The following MYO9A variants were observed in gnomAD, a reference collection of about 807,000 sequenced individuals.
The protein encoded by MYO9A is myosin IXA.
In MYO9A, 103 loss-of-function variants were observed where a neutral mutation model predicts 293.3. That is an observed-to-expected ratio of 0.35 (90% CI 0.30 to 0.41). The LOEUF (loss-of-function observed/expected upper bound fraction) is 0.41, where lower values mean the gene tolerates loss of function less well. Ranked by LOEUF, MYO9A falls within the 10% of genes least tolerant of loss-of-function variation. The pLI is 1.00. For missense variants in MYO9A, 2,685 were observed against 3,033.0 expected (o/e 0.89, Z 2.69); for synonymous variants, 1,001 against 1,035.7 (o/e 0.97, Z 0.64).
In MYO9A at chr15:71,978,292, C is replaced by T. The variant is rs2076192187; in HGVS notation, c.1723G>A (p.Glu575Lys). Residue 575 changes from glutamate (E) to lysine (K), a missense_variant and splice_region_variant, in exon 12 of 42, where the codon GAG (glutamate) becomes AAG (lysine). By Grantham distance (56) the Glu-to-Lys change is moderately conservative. This residue lies in a region of MYO9A where 201 missense variants were observed against 245.2 expected (regional missense o/e 0.82). Transcript: ENST00000356056. ...FNQHIFKLEQ[E>K]EYRTEGISWH... Reference sequence around the variant, plus strand: ...CTGATACCTTCAGTTCTATATTCCTCCTAGAAAAACCAAAAAATAAAATAA... The same window carrying T: ...CTGATACCTTCAGTTCTATATTCCTTCTAGAAAAACCAAAAAATAAAATAA... 1 of 1,592,612 alleles carries T rather than the reference C, an allele frequency of 6.3e-7. No homozygotes were observed. Among genetic ancestry groups the T allele is most frequent in the Non-Finnish European group, 8.5e-7 (1 of 1,172,436 alleles).
At chr15:72,103,394 A>C (rs1197594473) in intron 1 of MYO9A, among the ~76,000 whole-genome samples, 1 of 148,458 alleles carries the variant, frequency 6.7e-6, no homozygotes, top group African/African-American at 2.6e-5. Context: ...GCAGCAGCAG[A>C]AGCAGCAGCA....
chr15:71,956,330 A>AAAAATATATATAT (rs10642655), intron 14 of MYO9A, among the ~76,000 whole-genome samples: 2 of 75,582 alleles, frequency 2.6e-5, no homozygotes, highest in African/African-American at 1.2e-4. Context: ...AAAAAAAAAA[A>AAAAATATATATAT]ATATATATAT....
chr15:71,877,907 G>A (rs1366919192), intron 31 of MYO9A, 133 bp downstream of exon 31: 2 of 695,450 alleles, frequency 2.9e-6, no homozygotes, highest in East Asian at 5.7e-5. Context: ...GTGGCGCTAA[G>A]TTGACATGTT....
intron 1 of MYO9A, among the ~76,000 whole-genome samples, chr15:72,054,017 T>C (rs1160987859): frequency 2.0e-5 from 3 of 152,236 alleles, no homozygotes; most frequent in African/African-American, 7.2e-5. Flanking sequence ...GTCAAAGTTT[T>C]AAAATTCAAC....
intron 16 of MYO9A, 24 bp from the exon 17 acceptor site, chr15:71,935,508 A>G: frequency 1.2e-6 from 2 of 1,606,844 alleles, no homozygotes; most frequent in Non-Finnish European, 1.7e-6. Context: ...AATTTGCTTT[A>G]GTTAATGAAG....
At chr15:72,083,812 G>A (rs1338003705) in intron 1 of MYO9A, among the ~76,000 whole-genome samples, 3 of 152,158 alleles carry the variant, frequency 2.0e-5, no homozygotes, top group Admixed American at 6.5e-5. Flanking sequence ...ATGGTTTTGA[G>A]CAATTTTCTT....
At position 71,899,864 on chromosome 15, in the gene MYO9A, C is replaced by G. The variant is rs141948847; in HGVS notation, c.3293G>C (p.Arg1098Pro). 3,330 of 1,614,040 alleles carry G rather than the reference C, an allele frequency of 2.1e-3. 7 individuals carry two copies. The highest frequency in any genetic ancestry group is 2.5e-3 in the Non-Finnish European group (2,941 of 1,180,008). The change falls in exon 24 of 42, where the codon CGG becomes CCG. Residue 1098 changes from arginine (R) to proline (P), a missense_variant. Arg to Pro is a moderately radical substitution (Grantham distance 103). Transcript: ENST00000356056. ...CTGCTGGATAACGATGGCTGCAGCCCGTAACTCCAAGTACCGCTGCCTCTC... is the reference window on the plus strand; with the variant it reads ...CTGCTGGATAACGATGGCTGCAGCCGGTAACTCCAAGTACCGCTGCCTCTC... ...HLERQRYLEL[R>P]AAAIVIQQKW...
chr15:71,974,881 TC>T (rs1685607969), intron 12 of MYO9A, among the ~76,000 whole-genome samples: 1 of 152,208 alleles, frequency 6.6e-6, no homozygotes, highest in Non-Finnish European at 1.5e-5. Flanking sequence ...TAATGTGCCT[TC>T]CAAAGGAGGA....
At position 71,898,868 on chromosome 15, in the gene MYO9A, A is replaced by G; in HGVS notation, c.3635T>C (p.Val1212Ala). 6.2e-7 allele frequency: 1 copy of G among 1,614,106 alleles called. No homozygotes were observed. Among genetic ancestry groups the G allele is most frequent in the Non-Finnish European group, 8.5e-7 (1 of 1,179,988 alleles). Residue 1212 changes from valine to alanine, a missense_variant, in exon 25 of 42, where the codon GTA (valine) becomes GCA (alanine). This residue lies in a region of MYO9A where 1,434 missense variants were observed against 1,497.7 expected (regional missense o/e 0.96). Coordinates refer to ENST00000356056, the MANE Select transcript of MYO9A (RefSeq NM_006901.4). ...RIKAIEECKS[V>A]IESNRISRES... ...ACGGCTAATTCGATTACTCTCTATT[A>G]CAGATTTACATTCCTCTATGGCTTT...
intron 32 of MYO9A, among the ~76,000 whole-genome samples, chr15:71,869,912 A>C (rs537384432): frequency 6.6e-6 from 1 of 152,342 alleles, no homozygotes; most frequent in East Asian, 1.9e-4. Flanking sequence ...AAAGAATGCT[A>C]ACTGCCTACT....
chr15:72,096,160 CAA>C (rs990440272), intron 1 of MYO9A, among the ~76,000 whole-genome samples: 14 of 61,476 alleles, frequency 2.3e-4, no homozygotes, highest in Admixed American at 4.1e-4. Context: ...GAGACTGTCT[CAA>C]AAAAAAAAAA....
chr15:71,985,770 A>G (rs2148178407), intron 11 of MYO9A, among the ~76,000 whole-genome samples: 1 of 152,298 alleles, frequency 6.6e-6, no homozygotes, highest in African/African-American at 2.4e-5. Context: ...AATGCCTTCA[A>G]ATATATGTTG....
intron 32 of MYO9A, among the ~76,000 whole-genome samples, chr15:71,874,602 G>A (rs2056623086): frequency 6.6e-6 from 1 of 152,146 alleles, no homozygotes; most frequent in South Asian, 2.1e-4. Context: ...AAGTAACTAT[G>A]GCTATTACAT....
At chr15:72,103,033 G>A (rs2080412549) in intron 1 of MYO9A, among the ~76,000 whole-genome samples, 1 of 87,218 alleles carries the variant, frequency 1.1e-5, no homozygotes, top group Non-Finnish European at 2.3e-5. Flanking sequence ...CCAGGCTGGA[G>A]TGCAGTGGTG....
At position 71,901,285 on chromosome 15, in the gene MYO9A, A is replaced by G; in HGVS notation, c.3056T>C (p.Val1019Ala). The G allele has an allele frequency of 6.2e-7, 1 of 1,613,904 alleles. No homozygotes were observed. Among genetic ancestry groups the G allele is most frequent in the Non-Finnish European group, 8.5e-7 (1 of 1,179,936 alleles). The change falls in exon 23 of 42, where the codon GTG becomes GCG. Residue 1019 changes from valine (V) to alanine (A), a missense_variant. Coordinates refer to ENST00000356056, the MANE Select transcript of MYO9A (RefSeq NM_006901.4). Reference sequence around the variant, plus strand: ...CTGCAACAATATGATTCTGCGGAGCACCTCTTGGTGAAGCAGATCTTGTAA... The same window carrying G: ...CTGCAACAATATGATTCTGCGGAGCGCCTCTTGGTGAAGCAGATCTTGTAA... ...QHLQDLLHQE[V>A]LRRIILLQRW...
rs12148078 is a variant in MYO9A at position 72,008,130 on chromosome 15, G to C, written c.1254-178C>G. ...AGGGTTTACTTATATGTCAGGTACTGTTCAAAATGCTTTTCATGGCCTTAA... is the reference window on the plus strand; with the variant it reads ...AGGGTTTACTTATATGTCAGGTACTCTTCAAAATGCTTTTCATGGCCTTAA... On this transcript the variant is annotated intron_variant, in intron 7 of 41. Coordinates refer to ENST00000356056, the MANE Select transcript of MYO9A (RefSeq NM_006901.4). Among the ~76,000 whole-genome samples the C allele has an allele frequency of 0.67, 102,305 of 152,004 alleles. 35,166 individuals are homozygous for C. The highest frequency in any genetic ancestry group is 0.74 in the Middle Eastern group (219 of 294).
At chr15:72,077,633 G>A (rs2079395773) in intron 1 of MYO9A, among the ~76,000 whole-genome samples, 1 of 151,188 alleles carries the variant, frequency 6.6e-6, no homozygotes, top group African/African-American at 2.4e-5. Flanking sequence ...CGGCAGGGTG[G>A]TGGCAGGGTG....
intron 1 of MYO9A, among the ~76,000 whole-genome samples, chr15:72,070,171 G>A (rs979574313): frequency 6.6e-6 from 1 of 151,358 alleles, no homozygotes; most frequent in Middle Eastern, 3.4e-3. Flanking sequence ...GCCCAGCGAG[G>A]TGGCTCATGC....
At chr15:71,963,411 C>T (rs2075792711) in intron 13 of MYO9A, among the ~76,000 whole-genome samples, 1 of 151,508 alleles carries the variant, frequency 6.6e-6, no homozygotes, top group African/African-American at 2.4e-5. Flanking sequence ...ACTCAACCCT[C>T]TTATATCAAG....
Sources: gnomAD v4.1 joint callset for allele counts (sites outside exome capture counted in the v4.1 genomes callset) on GRCh38, gnomAD v4.1.1 for gene constraint, gnomAD v4.1.1 regional missense constraint, MANE v1.5 for transcripts, NCBI Gene and HGNC (gene_info 2026-07-23, HGNC 2026-07-21) for gene names.